Variants in GPATCH8 observed in about 807,000 individuals in gnomAD.
GPATCH8 encodes G patch domain-containing protein 8.
In GPATCH8, 18 loss-of-function variants were observed where a neutral mutation model predicts 118.3. The observed-to-expected ratio is 0.15, with a 90% CI of 0.11 to 0.23. GPATCH8 has a LOEUF of 0.23. Ranked by LOEUF, GPATCH8 falls within the 10% of genes least tolerant of loss-of-function variation. The pLI, the probability that GPATCH8 is intolerant of heterozygous loss-of-function variation, is 1.00. For missense variants in GPATCH8, 1,631 were observed against 1,873.8 expected, an observed-to-expected ratio of 0.87 and a Z score of 2.39; for synonymous variants, 659 against 684.7, an observed-to-expected ratio of 0.96 and a Z score of 0.59.
At chr17:44,437,963 AAC>A (rs1567988048) in intron 3 of GPATCH8, among the ~76,000 whole-genome samples, 2 of 145,866 alleles carry the variant, frequency 1.4e-5, no homozygotes, top group African/African-American at 5.0e-5. Flanking sequence ...AAAAAAACAA[AAC>A]AACAACTTCT....
chr17:44,493,316 C>T (rs1393186890), intron 1 of GPATCH8, among the ~76,000 whole-genome samples: 1 of 152,174 alleles, frequency 6.6e-6, no homozygotes, highest in Non-Finnish European at 1.5e-5. Context: ...CCACCTTGGC[C>T]TCCCAAAGTG....
chr17:44,471,832 G>A (rs1433253487), intron 2 of GPATCH8, among the ~76,000 whole-genome samples: 3 of 146,912 alleles, frequency 2.0e-5, no homozygotes, highest in African/African-American at 7.6e-5. Flanking sequence ...CACTGTAGGA[G>A]TTTCTCTTAA....
intron 3 of GPATCH8, among the ~76,000 whole-genome samples, chr17:44,464,177 C>T (rs1261025239): frequency 6.6e-6 from 1 of 151,988 alleles, no homozygotes; most frequent in East Asian, 1.9e-4. Context: ...CCTTTTACTC[C>T]ACTCACCCAT....
At chr17:44,403,829 G>A (rs576728180) in intron 7 of GPATCH8, among the ~76,000 whole-genome samples, 309 of 152,200 alleles carry the variant, frequency 2.0e-3, no homozygotes, top group Middle Eastern at 6.8e-3. Context: ...TAGTAGCTGG[G>A]ATTACAGGCG....
rs2050446956 is a variant in GPATCH8, at chr17:44,434,955, A to G, written c.348+110T>C. On this transcript the variant is annotated intron_variant, in intron 5 of 7. Transcript: ENST00000591680. Reference sequence around the variant, plus strand: ...TGAGATCTACTACTAATTACCACCAAATGTCAAACAAATGCTGTTAGCAAC... The same window carrying G: ...TGAGATCTACTACTAATTACCACCAGATGTCAAACAAATGCTGTTAGCAAC... The G allele has an allele frequency of 1.6e-5, 12 of 734,188 alleles. 1 individual carries two copies. Among genetic ancestry groups the G allele is most frequent in the South Asian group, 1.4e-4 (10 of 69,218 alleles). The allele number at this position is 734,188 out of a possible 1,614,324, so 45.5% of individuals were successfully genotyped here. A position where few individuals can be genotyped will look rare whatever the true frequency, so the allele number is the denominator to read the frequency against.
intron 7 of GPATCH8, 130 bp from the exon 8 acceptor site, chr17:44,401,583 G>T: frequency 1.4e-6 from 1 of 719,824 alleles, no homozygotes; most frequent in South Asian, 1.5e-5. Flanking sequence ...GTGAGTGGTG[G>T]TCATATTCCC....
intron 3 of GPATCH8, among the ~76,000 whole-genome samples, chr17:44,453,500 G>T (rs62081230): frequency 0.54 from 76,718 of 142,286 alleles, 21,451 homozygotes; most frequent in Non-Finnish European, 0.61. Flanking sequence ...GGTAGGTAGG[G>T]GTGTGTGTGT....
chr17:44,431,604 CTTTTAA>C (rs2050318489), intron 5 of GPATCH8, among the ~76,000 whole-genome samples: 1 of 151,482 alleles, frequency 6.6e-6, no homozygotes. Context: ...TTTGTTTTTT[CTTTTAA>C]AAGTCTGGTA....
intron 7 of GPATCH8, among the ~76,000 whole-genome samples, chr17:44,405,705 CG>C (rs1047571692): frequency 6.7e-6 from 1 of 150,054 alleles, no homozygotes; most frequent in African/African-American, 2.5e-5. Context: ...GGGGTTTCAC[CG>C]TATTAGCCAG....
At chr17:44,414,014 G>C (rs1323548046) in intron 6 of GPATCH8, among the ~76,000 whole-genome samples, 1 of 150,002 alleles carries the variant, frequency 6.7e-6, no homozygotes, top group Non-Finnish European at 1.5e-5. Context: ...CTCCTTAAAA[G>C]TATGGTATAT....
intron 2 of GPATCH8, among the ~76,000 whole-genome samples, chr17:44,466,913 C>G (rs1008588430): frequency 6.6e-6 from 1 of 152,074 alleles, no homozygotes; most frequent in Non-Finnish European, 1.5e-5. Flanking sequence ...TTGCTCCCCC[C>G]CCCTCCATTT....
chr17:44,483,176 AATATATATATATATATAT>A (rs1163758356), intron 1 of GPATCH8, among the ~76,000 whole-genome samples: 30 of 12,950 alleles, frequency 2.3e-3, no homozygotes, highest in Non-Finnish European at 2.6e-3. Context: ...AAAAAAAAAA[AATATATATATATATATAT>A]ATATATATAT....
intron 3 of GPATCH8, among the ~76,000 whole-genome samples, chr17:44,451,968 T>C (rs2144185003): frequency 6.6e-6 from 1 of 152,198 alleles, no homozygotes; most frequent in Middle Eastern, 3.4e-3. Flanking sequence ...CTACCACTTA[T>C]CTGCTGTAAG....
chr17:44,461,260 C>T (rs997306619), intron 3 of GPATCH8, among the ~76,000 whole-genome samples: 2 of 152,266 alleles, frequency 1.3e-5, no homozygotes, highest in East Asian at 1.9e-4. Context: ...TAGTTCACTG[C>T]ATCCTTCAAA....
At chr17:44,483,177 ATATATATATATATATATATAT>A (rs1968451850) in intron 1 of GPATCH8, among the ~76,000 whole-genome samples, 3 of 6,964 alleles carry the variant, frequency 4.3e-4, no homozygotes, top group African/African-American at 1.0e-3. Flanking sequence ...AAAAAAAAAA[ATATATATATATATATATATAT>A]ATATATATAT....
rs762668515 is a variant in GPATCH8 at position 44,399,670 on chromosome 17, G to A, written c.2407C>T (p.Arg803Trp). Residue 803 changes from arginine (R) to tryptophan (W), a missense_variant, in exon 8 of 8, where the codon CGG (arginine) becomes TGG (tryptophan). This residue lies in a region of GPATCH8 where 922 missense variants were observed against 879.7 expected (regional missense o/e 1.05). Coordinates refer to ENST00000591680, the MANE Select transcript of GPATCH8 (RefSeq NM_001002909.4). Reference sequence around the variant, plus strand: ...CTCCGATGGCTAGACCGGCTGCTCCGTTTGGTGCCTGCTCTTCGCTGGCAG... The same window carrying A: ...CTCCGATGGCTAGACCGGCTGCTCCATTTGGTGCCTGCTCTTCGCTGGCAG... ...SSCQRRAGTKRSSRSSHRSQP... is the reference protein window; with the variant it reads ...SSCQRRAGTKWSSRSSHRSQP... The A allele has an allele frequency of 7.4e-6, 12 of 1,614,014 alleles. No individual in the cohort carries two copies. The highest frequency in any genetic ancestry group is 2.2e-5 in the South Asian group (2 of 91,084).
chr17:44,452,470 G>A (rs985821645), intron 3 of GPATCH8, among the ~76,000 whole-genome samples: 7 of 151,874 alleles, frequency 4.6e-5, no homozygotes, highest in African/African-American at 1.7e-4. Flanking sequence ...TAGTGAATAG[G>A]GGCTTGCTAG....
chr17:44,415,738 G>A (rs1224732217), intron 6 of GPATCH8, among the ~76,000 whole-genome samples: 1 of 152,146 alleles, frequency 6.6e-6, no homozygotes, highest in African/African-American at 2.4e-5. Context: ...ATAGAACAAA[G>A]AGTCTAATCC....
intron 1 of GPATCH8, among the ~76,000 whole-genome samples, chr17:44,495,325 CTCTG>C (rs1469392875): frequency 2.0e-5 from 3 of 152,128 alleles, no homozygotes; most frequent in African/African-American, 7.2e-5. Context: ...CAGAGCAAGA[CTCTG>C]TCTGAAAAAA....
Sources: allele counts gnomAD v4.1 joint callset (sites outside exome capture counted in the v4.1 genomes callset), GRCh38; gene constraint gnomAD v4.1.1; regional missense constraint gnomAD v4.1.1; transcripts MANE v1.5; gene names NCBI Gene and HGNC (gene_info 2026-07-23, HGNC 2026-07-21).